HS3ST5: variants seen among roughly 807,000 people sequenced by gnomAD.
HS3ST5 encodes the protein heparan sulfate glucosamine 3-O-sulfotransferase 5.
In HS3ST5, 10 loss-of-function variants were observed where a neutral mutation model predicts 25.4. The observed-to-expected ratio is 0.39, with a 90% confidence interval of 0.24 to 0.67. HS3ST5 has a LOEUF of 0.67. Among genes scored for constraint, HS3ST5 ranks in the 30% least tolerant of loss-of-function variants. HS3ST5 has a pLI of 0.44. For missense variants in HS3ST5, 324 were observed against 420.7 expected (o/e 0.77, Z 2.01); for synonymous variants, 170 against 162.4 (o/e 1.05, Z -0.36).
chr6:114,088,186 A>G (rs1214440569), intron 3 of HS3ST5, among the ~76,000 whole-genome samples: 1 of 152,052 alleles, frequency 6.6e-6, no homozygotes, highest in Non-Finnish European at 1.5e-5. Flanking sequence ...TGTGGCTTGT[A>G]TTATACTCTA....
chr6:114,057,069 A>T lies in HS3ST5; in HGVS notation c.*188T>A. 5.4e-5 allele frequency: 22 copies of T among 406,442 alleles called. No homozygotes were observed. The highest frequency in any genetic ancestry group is 9.6e-5 in the South Asian group (2 of 20,912). The allele number at this position is 406,442 out of a possible 1,614,324, so 25.2% of individuals were successfully genotyped here. A position where few individuals can be genotyped will look rare whatever the true frequency, so the allele number is the denominator to read the frequency against. ...AAAAGATGCGACTATGCAGACAGCA[A>T]TTTTTTTTTTTTCGTAAATTTTCAG... On this transcript the variant is annotated 3_prime_UTR_variant, in exon 5 of 5. Transcript: ENST00000312719.
chr6:114,218,179 G>A (rs1781860615), intron 2 of HS3ST5, among the ~76,000 whole-genome samples: 1 of 152,042 alleles, frequency 6.6e-6, no homozygotes, highest in African/African-American at 2.4e-5. Context: ...TGTATTTTTA[G>A]AAGAGACAGC....
intron 3 of HS3ST5, among the ~76,000 whole-genome samples, chr6:114,099,354 T>C (rs1486436625): frequency 6.6e-6 from 1 of 152,156 alleles, no homozygotes; most frequent in Non-Finnish European, 1.5e-5. Flanking sequence ...CAAACTGTCT[T>C]CTGAAAGTTT....
chr6:114,057,435 G>C lies in HS3ST5; in HGVS notation c.863C>G (p.Ala288Gly). 6.2e-7 allele frequency: 1 copy of C among 1,614,168 alleles called. No homozygotes were observed. The highest frequency in any genetic ancestry group is 8.5e-7 in the Non-Finnish European group (1 of 1,180,038). Residue 288 changes from alanine (A) to glycine (G), a missense_variant, in exon 5 of 5, where the codon GCT (alanine) becomes GGT (glycine). Ala to Gly is a moderately conservative substitution (Grantham distance 60). Coordinates refer to ENST00000312719, the MANE Select transcript of HS3ST5 (RefSeq NM_153612.4). ...RISQYNLYFNATRGFYCLRFN... is the reference protein window; with the variant it reads ...RISQYNLYFNGTRGFYCLRFN... ...CCGCAAGCAGTAAAACCCTCTGGTAGCATTGAAGTATAAATTGTATTGACT... is the reference window on the plus strand; with the variant it reads ...CCGCAAGCAGTAAAACCCTCTGGTACCATTGAAGTATAAATTGTATTGACT...
chr6:114,323,239 T>C (rs918471360), intron 1 of HS3ST5, among the ~76,000 whole-genome samples: 1 of 152,204 alleles, frequency 6.6e-6, no homozygotes, highest in African/African-American at 2.4e-5. Context: ...GAAGAAAACA[T>C]AAAGCAGGAT....
chr6:114,096,397 G>A (rs1775427602), intron 3 of HS3ST5, among the ~76,000 whole-genome samples: 1 of 152,104 alleles, frequency 6.6e-6, no homozygotes, highest in South Asian at 2.1e-4. Context: ...ATCTATTTGG[G>A]TAAGTGTACG....
intron 3 of HS3ST5, among the ~76,000 whole-genome samples, chr6:114,095,018 C>A (rs975193820): frequency 5.9e-5 from 9 of 152,158 alleles, no homozygotes. Context: ...GAGAACCAAG[C>A]CGTAGGTGAC....
chr6:114,176,683 A>G (rs1582684019), intron 2 of HS3ST5, among the ~76,000 whole-genome samples: 1 of 152,180 alleles, frequency 6.6e-6, no homozygotes, highest in East Asian at 1.9e-4. Flanking sequence ...AAATGATTCT[A>G]AAAAAAACTA....
intron 3 of HS3ST5, among the ~76,000 whole-genome samples, chr6:114,107,792 A>T (rs1386634640): frequency 6.6e-6 from 1 of 152,228 alleles, no homozygotes. Context: ...GACAAAGAAT[A>T]TGCAAAACCT....
chr6:114,169,777 T>C (rs1463526903), intron 2 of HS3ST5, among the ~76,000 whole-genome samples: 5 of 152,212 alleles, frequency 3.3e-5, no homozygotes, highest in African/African-American at 1.2e-4. Flanking sequence ...ACATTCATTA[T>C]ACTGTAGAGC....
At chr6:114,124,522 C>A (rs1370054940) in intron 3 of HS3ST5, among the ~76,000 whole-genome samples, 1 of 152,000 alleles carries the variant, frequency 6.6e-6, no homozygotes, top group African/African-American at 2.4e-5. Context: ...TTGCCTATAT[C>A]AAACAGACAT....
At chr6:114,292,847 A>C (rs1031900629) in intron 1 of HS3ST5, among the ~76,000 whole-genome samples, 1 of 152,242 alleles carries the variant, frequency 6.6e-6, no homozygotes, top group African/African-American at 2.4e-5. Context: ...TAGATTACTT[A>C]TAAGACCCAA....
intron 3 of HS3ST5, among the ~76,000 whole-genome samples, chr6:114,074,891 G>A (rs1347188681): frequency 6.6e-6 from 1 of 152,142 alleles, no homozygotes. Context: ...TTAAATTGCA[G>A]TATTAAAATT....
At chr6:114,339,718 TCAGA>T (rs1386914905) in intron 1 of HS3ST5, among the ~76,000 whole-genome samples, 2 of 152,304 alleles carry the variant, frequency 1.3e-5, no homozygotes, top group Non-Finnish European at 2.9e-5. Context: ...TCTAAAGTAT[TCAGA>T]CAAAGAGCAA....
At chr6:114,288,169 G>A (rs1441713415) in intron 1 of HS3ST5, among the ~76,000 whole-genome samples, 1 of 152,082 alleles carries the variant, frequency 6.6e-6, no homozygotes, top group African/African-American at 2.4e-5. Flanking sequence ...GTTAAGTAAT[G>A]TAAAGCAGCA....
intron 1 of HS3ST5, among the ~76,000 whole-genome samples, chr6:114,258,248 CTG>C (rs1309668038): frequency 6.6e-6 from 1 of 152,168 alleles, no homozygotes; most frequent in Non-Finnish European, 1.5e-5. Context: ...TGATCTGACT[CTG>C]TGGGGAGTGC....
At chr6:114,270,258 G>T (rs1010233804) in intron 1 of HS3ST5, among the ~76,000 whole-genome samples, 8 of 152,112 alleles carry the variant, frequency 5.3e-5, no homozygotes, top group African/African-American at 1.9e-4. Flanking sequence ...GACAAAATAA[G>T]TAATTTAATT....
At chr6:114,116,633 C>A (rs941072747) in intron 3 of HS3ST5, among the ~76,000 whole-genome samples, 5 of 152,050 alleles carry the variant, frequency 3.3e-5, no homozygotes, top group Admixed American at 2.6e-4. Flanking sequence ...CAAGGTTTAA[C>A]CCTTGCTTAC....
chr6:114,157,557 T>C (rs1778756699), intron 3 of HS3ST5, among the ~76,000 whole-genome samples: 3 of 152,076 alleles, frequency 2.0e-5, no homozygotes, highest in Admixed American at 2.0e-4. Flanking sequence ...CACTCAAAAA[T>C]TGCTAAGAAA....
Sources: gnomAD v4.1 joint callset for allele counts (sites outside exome capture counted in the v4.1 genomes callset) on GRCh38, gnomAD v4.1.1 for gene constraint, MANE v1.5 for transcripts, NCBI Gene and HGNC (gene_info 2026-07-23, HGNC 2026-07-21) for gene names.